The following ACVR1 variants were observed in gnomAD, a reference collection of about 807,000 sequenced individuals.
ACVR1 encodes activin receptor type-1.
Under a neutral mutation model 57.1 loss-of-function variants are expected in ACVR1, and 38 were observed. The observed-to-expected ratio is 0.67, with a 90% confidence interval of 0.51 to 0.87. The LOEUF is 0.87. ACVR1 is among the 40% of genes least tolerant of loss of function. The pLI, the probability that ACVR1 is intolerant of heterozygous loss-of-function variation, is 0.00. For synonymous variants in ACVR1, 212 were observed against 228.1 expected (o/e 0.93, Z 0.63); for missense variants, 463 against 638.2 (o/e 0.73, Z 2.96).
intron 1 of ACVR1, among the ~76,000 whole-genome samples, chr2:157,830,017 G>A (rs1357982916): frequency 2.0e-5 from 3 of 152,258 alleles, no homozygotes; most frequent in East Asian, 1.9e-4. Context: ...TCAGGAGTTC[G>A]AGACCAGCCT....
At chr2:157,836,879 A>G (rs191481637) in intron 1 of ACVR1, among the ~76,000 whole-genome samples, 55 of 152,202 alleles carry the variant, frequency 3.6e-4, no homozygotes, top group African/African-American at 1.0e-3. Flanking sequence ...GATAAAGAAC[A>G]CTCCATCTCC....
intron 1 of ACVR1, chr2:157,819,319 A>G (rs1373505162): frequency 1.3e-5 from 2 of 152,020 alleles, no homozygotes; most frequent in Admixed American, 6.6e-5. Context: ...CGTCTGTACT[A>G]AAAATACAAA....
At chr2:157,824,401 G>A (rs576028342) in intron 1 of ACVR1, among the ~76,000 whole-genome samples, 4 of 152,264 alleles carry the variant, frequency 2.6e-5, no homozygotes, top group Admixed American at 1.3e-4. Flanking sequence ...CCAGGAGCTC[G>A]AGGCTACAGT....
chr2:157,875,798 C>G lies in ACVR1; in HGVS notation c.-185G>C, dbSNP rs1180091638. The G allele has an allele frequency of 6.6e-6, 1 of 151,674 alleles. No homozygotes were observed. The highest frequency in any genetic ancestry group is 1.9e-4 in the East Asian group (1 of 5,172). The allele number at this position is 151,674 out of a possible 1,614,324, so 9.4% of individuals were successfully genotyped here. A position where few individuals can be genotyped will look rare whatever the true frequency, so the allele number is the denominator to read the frequency against. On this transcript the variant is annotated splice_region_variant and 5_prime_UTR_variant, in exon 1 of 11. Coordinates refer to ENST00000434821, the MANE Select transcript of ACVR1 (RefSeq NM_001111067.4). The stretch of plus-strand genomic sequence containing the variant: ...CGCGGCCGGCGACCTGCGCTCACCT[C>G]GGGTCCCGCCGCGGCCGGGGGCTGA...
At chr2:157,867,823 A>C (rs912706265) in intron 1 of ACVR1, among the ~76,000 whole-genome samples, 2 of 152,068 alleles carry the variant, frequency 1.3e-5, no homozygotes, top group African/African-American at 4.8e-5. Context: ...TAAAGTTCAG[A>C]TGTGTAACCT....
intron 1 of ACVR1, among the ~76,000 whole-genome samples, chr2:157,859,745 C>T (rs1187335038): frequency 6.6e-6 from 1 of 152,176 alleles, no homozygotes; most frequent in African/African-American, 2.4e-5. Flanking sequence ...TAAGTTCCAG[C>T]CCCCTAATTT....
intron 1 of ACVR1, among the ~76,000 whole-genome samples, chr2:157,872,813 G>A (rs1690155640): frequency 6.6e-6 from 1 of 152,022 alleles, no homozygotes; most frequent in Admixed American, 6.6e-5. Context: ...AGGTTATAAA[G>A]TCTAAAAATA....
chr2:157,748,730 C>A (rs1685065267), intron 9 of ACVR1, among the ~76,000 whole-genome samples: 1 of 151,974 alleles, frequency 6.6e-6, no homozygotes, highest in Non-Finnish European at 1.5e-5. Context: ...TTGTTCAAAG[C>A]AGATCCACTC....
intron 1 of ACVR1, among the ~76,000 whole-genome samples, chr2:157,855,252 TAAAA>T (rs1191166089): frequency 1.9e-5 from 2 of 104,240 alleles, no homozygotes; most frequent in African/African-American, 3.8e-5. Flanking sequence ...CCTCGTCTCT[TAAAA>T]AAAAAAAAAA....
At chr2:157,804,497 T>C (rs754677230) in intron 2 of ACVR1, among the ~76,000 whole-genome samples, 9 of 152,354 alleles carry the variant, frequency 5.9e-5, no homozygotes, top group Non-Finnish European at 8.8e-5. Context: ...TGTGCAAGGC[T>C]GTAATGCCAA....
intron 1 of ACVR1, among the ~76,000 whole-genome samples, chr2:157,846,947 T>A (rs553851292): frequency 6.6e-6 from 1 of 152,110 alleles, no homozygotes. Flanking sequence ...TCCTCTATTA[T>A]AAAAAGAGGC....
intron 1 of ACVR1, among the ~76,000 whole-genome samples, chr2:157,834,840 C>T (rs186154587): frequency 6.6e-6 from 1 of 152,098 alleles, no homozygotes; most frequent in Admixed American, 6.5e-5. Context: ...GGATGAGTGC[C>T]CCTGTGGATT....
intron 1 of ACVR1, among the ~76,000 whole-genome samples, chr2:157,846,782 A>G (rs1222558293): frequency 6.6e-6 from 1 of 152,238 alleles, no homozygotes; most frequent in African/African-American, 2.4e-5. Context: ...CACTGTATAG[A>G]TTCTATACTT....
chr2:157,847,959 G>A (rs891075155), intron 1 of ACVR1, among the ~76,000 whole-genome samples: 4 of 152,260 alleles, frequency 2.6e-5, no homozygotes, highest in Non-Finnish European at 4.4e-5. Flanking sequence ...TACCAGAGCT[G>A]CATTCTTAAA....
intron 1 of ACVR1, among the ~76,000 whole-genome samples, chr2:157,850,641 A>G (rs113984152): frequency 5.3e-5 from 8 of 152,298 alleles, no homozygotes; most frequent in African/African-American, 1.7e-4. Flanking sequence ...GATAAATAAA[A>G]AGTCAAAAGA....
intron 9 of ACVR1, among the ~76,000 whole-genome samples, chr2:157,748,621 A>G (rs550485450): frequency 1.3e-5 from 2 of 151,776 alleles, no homozygotes; most frequent in African/African-American, 4.8e-5. Context: ...GAAAACGTTC[A>G]TGATTCCATT....
At chr2:157,796,451 G>A (rs1687127921) in intron 3 of ACVR1, among the ~76,000 whole-genome samples, 1 of 152,032 alleles carries the variant, frequency 6.6e-6, no homozygotes, top group African/African-American at 2.4e-5. Flanking sequence ...CTACTCAGGA[G>A]GCTGACGTAG....
At chr2:157,808,418 G>A (rs990310534) in intron 2 of ACVR1, among the ~76,000 whole-genome samples, 5 of 152,182 alleles carry the variant, frequency 3.3e-5, no homozygotes, top group African/African-American at 4.8e-5. Context: ...GGGTTTGTAT[G>A]TCCCCAGTTT....
chr2:157,760,764 C>T (rs533209471), intron 9 of ACVR1, 116 bp downstream of exon 9: 14 of 1,044,908 alleles, frequency 1.3e-5, no homozygotes, highest in South Asian at 5.7e-5. Context: ...GCCTATAACT[C>T]GACACGTACG....
Sources: allele counts gnomAD v4.1 joint callset (sites outside exome capture counted in the v4.1 genomes callset), GRCh38; gene constraint gnomAD v4.1.1; transcripts MANE v1.5; gene names NCBI Gene and HGNC (gene_info 2026-07-23, HGNC 2026-07-21).